The following MYO18B variants were observed in gnomAD, a reference collection of about 807,000 sequenced individuals.
The protein encoded by MYO18B is myosin XVIIIB.
Under a neutral mutation model 273.0 loss-of-function variants are expected in MYO18B, and 204 were observed. The observed-to-expected ratio is 0.75, with a 90% CI of 0.67 to 0.84. The LOEUF (loss-of-function observed/expected upper bound fraction) is 0.84, where lower values mean the gene tolerates loss of function less well. MYO18B is among the 40% of genes least tolerant of loss of function. The pLI, the probability that MYO18B is intolerant of heterozygous loss-of-function variation, is 0.00. For missense variants in MYO18B, 3,212 were observed against 3,287.6 expected, an observed-to-expected ratio of 0.98 and a Z score of 0.56; for synonymous variants, 1,330 against 1,305.7, an observed-to-expected ratio of 1.02 and a Z score of -0.40.
At chr22:25,948,449 TC>T (rs1408846662) in intron 36 of MYO18B, among the ~76,000 whole-genome samples, 303 of 130,248 alleles carry the variant, frequency 2.3e-3, no homozygotes, top group Middle Eastern at 7.1e-3. Flanking sequence ...CTTCCTTCCT[TC>T]CTTCCTTCCT....
chr22:25,802,503 C>A (rs772420636), intron 12 of MYO18B, among the ~76,000 whole-genome samples: 2 of 152,214 alleles, frequency 1.3e-5, no homozygotes, highest in Admixed American at 6.5e-5. Flanking sequence ...GTAATCCCAG[C>A]GCTTTGGGAG....
In MYO18B at chr22:26,026,736, G is replaced by A. The variant is rs1289038593; in HGVS notation, c.6762G>A (p.Val2254=). The A allele has an allele frequency of 6.2e-7, 1 of 1,613,416 alleles. No homozygotes were observed. The highest frequency in any genetic ancestry group is 1.1e-5 in the South Asian group (1 of 90,958). The change falls in exon 43 of 44, where the codon GTG becomes GTA. Residue 2254 remains valine (V), a synonymous_variant. Coordinates refer to ENST00000335473, the MANE Select transcript of MYO18B (RefSeq NM_032608.7). ...CTTCAGCGGCCCTCTCGGAGTTCGT[G>A]GAAGGGCTCCGGAGGAAGAGAGCCC... is the stretch of plus-strand genomic sequence containing the variant. ...PSPSAALSEF[V]EGLRRKRAQR...
At chr22:25,854,630 C>G (rs2090515918) in intron 21 of MYO18B, among the ~76,000 whole-genome samples, 1 of 152,228 alleles carries the variant, frequency 6.6e-6, no homozygotes, top group South Asian at 2.1e-4. Context: ...TTTCGTCTTG[C>G]AAAATTGAAA....
intron 32 of MYO18B, 106 bp downstream of exon 32, chr22:25,908,538 A>G: frequency 2.2e-6 from 2 of 910,874 alleles, no homozygotes; most frequent in Non-Finnish European, 3.4e-6. Context: ...ATCTGGGGAC[A>G]AGCTCTTTCT....
chr22:25,857,850 G>A (rs909375532), intron 21 of MYO18B, among the ~76,000 whole-genome samples: 10 of 152,170 alleles, frequency 6.6e-5, no homozygotes, highest in African/African-American at 1.2e-4. Flanking sequence ...ACCTGGTTTC[G>A]CCATGTTGGC....
chr22:25,771,510 G>A (rs766556679), intron 6 of MYO18B, among the ~76,000 whole-genome samples: 2 of 152,144 alleles, frequency 1.3e-5, no homozygotes, highest in African/African-American at 4.8e-5. Flanking sequence ...TTGAGGACAA[G>A]TCCCAGTGTA....
Position 25,768,140 on chromosome 22 carries a change from C to A in MYO18B, c.224C>A (p.Pro75His), listed in dbSNP as rs774065337. 2.2e-5 allele frequency: 35 copies of A among 1,604,620 alleles called. No homozygotes were observed. The South Asian group carries it at 3.9e-4, about 18-fold the overall frequency. ...REIPEISISQ[P>H]NSKSSSGTRS... ...ATCCCAGAAATTTCCATCAGCCAAC[C>A]CAACAGCAAGTCCAGCAGTGGCACC... Residue 75 changes from proline (P) to histidine (H), a missense_variant, in exon 4 of 44, where the codon CCC (proline) becomes CAC (histidine). Pro to His is a moderately conservative substitution (Grantham distance 77). Transcript: ENST00000335473.
At chr22:25,985,643 T>A (rs1243492085) in intron 39 of MYO18B, among the ~76,000 whole-genome samples, 3 of 146,230 alleles carry the variant, frequency 2.1e-5, no homozygotes, top group Non-Finnish European at 4.5e-5. Context: ...TTTTATTTTT[T>A]TTTTGAGATG....
intron 40 of MYO18B, among the ~76,000 whole-genome samples, chr22:25,997,957 AAAC>A (rs1933483291): frequency 2.8e-5 from 4 of 142,434 alleles, no homozygotes; most frequent in African/African-American, 1.1e-4. Flanking sequence ...ACACACACAC[AAAC>A]ACACACACAC....
chr22:25,956,042 G>T (rs2092847458), intron 39 of MYO18B, among the ~76,000 whole-genome samples: 1 of 152,136 alleles, frequency 6.6e-6, no homozygotes, highest in African/African-American at 2.4e-5. Flanking sequence ...TTAAAAAGGT[G>T]GGGAAACTGA....
rs764491130 is a variant in MYO18B at position 25,768,904 on chromosome 22, G to A, written c.988G>A (p.Gly330Ser). 2.5e-6 allele frequency: 4 copies of A among 1,612,662 alleles called. No homozygotes were observed. Among genetic ancestry groups the A allele is most frequent in the Non-Finnish European group, 3.4e-6 (4 of 1,179,414 alleles). Residue 330 changes from glycine to serine, a missense_variant, in exon 4 of 44, where the codon GGT becomes AGT. Physicochemically the swap from Gly to Ser is moderately conservative, Grantham distance 56. Transcript: ENST00000335473. Reference sequence around the variant, plus strand: ...CCTGGGAAGAAGGAGTAAGTGGGACGGTCCCCAGAATAAGAAGGACAAAGA... The same window carrying A: ...CCTGGGAAGAAGGAGTAAGTGGGACAGTCCCCAGAATAAGAAGGACAAAGA... Reference protein sequence around the residue: ...GFLGRRSKWDGPQNKKDKEGV... With the variant: ...GFLGRRSKWDSPQNKKDKEGV...
chr22:25,758,915 C>T (rs1339409682), intron 1 of MYO18B, among the ~76,000 whole-genome samples: 3 of 152,000 alleles, frequency 2.0e-5, no homozygotes, highest in African/African-American at 4.8e-5. Flanking sequence ...CCACCATGCC[C>T]GGCTAATTTT....
At chr22:25,848,510 G>T (rs967437486) in intron 20 of MYO18B, among the ~76,000 whole-genome samples, 2 of 152,200 alleles carry the variant, frequency 1.3e-5, no homozygotes, top group African/African-American at 4.8e-5. Flanking sequence ...TGGGAGAAGA[G>T]GCTGAGGCAT....
chr22:25,977,820 G>T (rs1404823044), intron 39 of MYO18B, among the ~76,000 whole-genome samples: 1 of 152,208 alleles, frequency 6.6e-6, no homozygotes, highest in Non-Finnish European at 1.5e-5. Context: ...TGACTCTTCA[G>T]CTAGTCCTAT....
chr22:25,881,850 G>C (rs1955269873), intron 25 of MYO18B, among the ~76,000 whole-genome samples: 1 of 151,896 alleles, frequency 6.6e-6, no homozygotes, highest in Non-Finnish European at 1.5e-5. Context: ...GAAAGCCAGA[G>C]CAAAGGGAAA....
chr22:25,927,309 A>G (rs1483506540), intron 34 of MYO18B, among the ~76,000 whole-genome samples: 1 of 152,202 alleles, frequency 6.6e-6, no homozygotes, highest in African/African-American at 2.4e-5. Flanking sequence ...AGCATGGAAC[A>G]TCCCTGGGAA....
chr22:25,980,091 A>C (rs1304412078), intron 39 of MYO18B, among the ~76,000 whole-genome samples: 1 of 152,146 alleles, frequency 6.6e-6, no homozygotes, highest in Non-Finnish European at 1.5e-5. Context: ...CCCAGGTTGT[A>C]GTTTTTTCTC....
chr22:25,996,116 A>ACC (rs1933204177), intron 40 of MYO18B, among the ~76,000 whole-genome samples: 1 of 152,230 alleles, frequency 6.6e-6, no homozygotes, highest in Admixed American at 6.5e-5. Context: ...ATTGCCAATT[A>ACC]GAGATCTAAT....
At chr22:25,881,939 C>A (rs1286569452) in intron 25 of MYO18B, among the ~76,000 whole-genome samples, 3 of 152,198 alleles carry the variant, frequency 2.0e-5, no homozygotes, top group East Asian at 3.9e-4. Context: ...TGCCCTCTCA[C>A]TTCATAGCCT....
Sources: allele counts gnomAD v4.1 joint callset (sites outside exome capture counted in the v4.1 genomes callset), GRCh38; gene constraint gnomAD v4.1.1; transcripts MANE v1.5; gene names NCBI Gene and HGNC (gene_info 2026-07-23, HGNC 2026-07-21).